ERBIN: variants seen among roughly 807,000 people sequenced by gnomAD.
ERBIN encodes the protein densin-180-like protein.
In ERBIN, 60 loss-of-function variants were observed where a neutral mutation model predicts 158.4. The observed-to-expected ratio is 0.38, with a 90% CI of 0.31 to 0.47. The LOEUF is 0.47. Among genes scored for constraint, ERBIN ranks in the 20% least tolerant of loss-of-function variants. ERBIN has a pLI of 0.99. For synonymous variants in ERBIN, 594 were observed against 557.2 expected (o/e 1.07, Z -0.93); for missense variants, 1,610 against 1,648.0 (o/e 0.98, Z 0.40).
intron 7 of ERBIN, among the ~76,000 whole-genome samples, chr5:66,019,448 C>A (rs983798759): frequency 6.6e-6 from 1 of 151,972 alleles, no homozygotes. Flanking sequence ...GAAATGAGTT[C>A]AATACAAATG....
intron 1 of ERBIN, among the ~76,000 whole-genome samples, chr5:65,931,570 G>C (rs1743373478): frequency 6.6e-6 from 1 of 152,130 alleles, no homozygotes; most frequent in Non-Finnish European, 1.5e-5. Context: ...ATAAGCTATT[G>C]CATGTTAGTG....
intron 17 of ERBIN, 74 bp downstream of exon 17, chr5:66,044,384 C>G: frequency 7.4e-7 from 1 of 1,343,618 alleles, no homozygotes; most frequent in Non-Finnish European, 1.0e-6. Context: ...ATATAGTGCC[C>G]CTTTTCATGT....
intron 1 of ERBIN, among the ~76,000 whole-genome samples, chr5:65,986,962 T>A (rs1286302627): frequency 6.6e-5 from 10 of 152,210 alleles, no homozygotes. Flanking sequence ...TTAATCCTCA[T>A]CCTTGTTGAC....
At chr5:66,033,455 G>A (rs1000147934) in intron 14 of ERBIN, among the ~76,000 whole-genome samples, 1 of 152,170 alleles carries the variant, frequency 6.6e-6, no homozygotes, top group African/African-American at 2.4e-5. Context: ...GATGATGATG[G>A]ACTCAAGTTA....
In ERBIN at chr5:65,978,921, G is replaced by A. The variant is rs375427093; in HGVS notation, c.-57-9714G>A. On this transcript the variant is annotated intron_variant, in intron 1 of 25. Transcript: ENST00000284037. ...CTGAACCAAAAAAGTATTTGGAACT[G>A]CAACCCAAGCTTCTACTACCTCAGA... is the stretch of plus-strand genomic sequence containing the variant. Among the ~76,000 whole-genome samples the A allele has an allele frequency of 7.2e-5, 11 of 152,184 alleles. No individual in the cohort carries two copies. The East Asian group carries it at 1.3e-3, about 19-fold the overall frequency.
intron 23 of ERBIN, 63 bp from the exon 24 acceptor site, chr5:66,076,253 G>A: frequency 1.7e-6 from 2 of 1,201,202 alleles, no homozygotes; most frequent in South Asian, 1.3e-5. Flanking sequence ...TTTAAATATG[G>A]ATGTTGTTGC....
chr5:66,020,023 G>A (rs953288391), intron 7 of ERBIN, among the ~76,000 whole-genome samples: 8 of 152,044 alleles, frequency 5.3e-5, no homozygotes, highest in African/African-American at 1.2e-4. Context: ...GCAACCTTTC[G>A]CTTGTTAATG....
chr5:65,964,908 T>TTGTGTATGTGTGTGTGTG (rs1748368958), intron 1 of ERBIN, among the ~76,000 whole-genome samples: 5 of 107,260 alleles, frequency 4.7e-5, no homozygotes, highest in African/African-American at 2.0e-4. Flanking sequence ...CCTGGCTGAT[T>TTGTGTATGTGTGTGTGTG]TGTGTGTGTG....
intron 15 of ERBIN, among the ~76,000 whole-genome samples, chr5:66,041,593 G>C (rs16894779): frequency 0.058 from 8,762 of 152,026 alleles, 884 homozygotes; most frequent in African/African-American, 0.2. Context: ...TGTAAGTGAC[G>C]AGAATTTGAC....
chr5:65,980,362 A>C (rs1750519705), intron 1 of ERBIN, among the ~76,000 whole-genome samples: 1 of 152,182 alleles, frequency 6.6e-6, no homozygotes, highest in African/African-American at 2.4e-5. Flanking sequence ...TGGGAGGTGG[A>C]GGTTGCAGTG....
chr5:66,015,966 A>T (rs575486401), intron 7 of ERBIN, among the ~76,000 whole-genome samples: 4 of 152,276 alleles, frequency 2.6e-5, no homozygotes, highest in Admixed American at 2.6e-4. Flanking sequence ...GATAATGTTA[A>T]TGTATCTGTT....
intron 21 of ERBIN, chr5:66,069,090 TGTTTCCAG>T: frequency 7.4e-7 from 1 of 1,353,176 alleles, no homozygotes; most frequent in Middle Eastern, 1.9e-4. Context: ...AGTGTTTTAA[TGTTTCCAG>T]GAAAAAAAAT....
intron 21 of ERBIN, among the ~76,000 whole-genome samples, chr5:66,055,613 T>C (rs994190604): frequency 6.6e-6 from 1 of 152,164 alleles, no homozygotes; most frequent in Non-Finnish European, 1.5e-5. Flanking sequence ...GATACAGATA[T>C]ATATCCTTGT....
chr5:66,067,628 A>C (rs1343240077), intron 21 of ERBIN, among the ~76,000 whole-genome samples: 1 of 152,224 alleles, frequency 6.6e-6, no homozygotes, highest in Non-Finnish European at 1.5e-5. Flanking sequence ...TGGCTCTTCA[A>C]ATTTAAGCAG....
intron 14 of ERBIN, among the ~76,000 whole-genome samples, chr5:66,037,294 CT>C (rs1484603821): frequency 6.6e-6 from 1 of 151,842 alleles, no homozygotes; most frequent in Non-Finnish European, 1.5e-5. Context: ...AGGAGATTGA[CT>C]ATGGAAGGTA....
chr5:65,997,136 T>A (rs905093943), intron 4 of ERBIN, among the ~76,000 whole-genome samples: 1 of 152,176 alleles, frequency 6.6e-6, no homozygotes, highest in Non-Finnish European at 1.5e-5. Context: ...AGGACTTAAG[T>A]ACAACGTTGA....
At chr5:65,949,206 T>G (rs918221012) in intron 1 of ERBIN, among the ~76,000 whole-genome samples, 7 of 152,210 alleles carry the variant, frequency 4.6e-5, no homozygotes, top group Admixed American at 6.5e-5. Flanking sequence ...AGTTTATAGT[T>G]TATTCAGGAG....
chr5:65,962,429 A>G (rs1748023459), intron 1 of ERBIN, among the ~76,000 whole-genome samples: 1 of 152,306 alleles, frequency 6.6e-6, no homozygotes, highest in South Asian at 2.1e-4. Flanking sequence ...TGGAATAACT[A>G]AAACCAAATG....
intron 1 of ERBIN, among the ~76,000 whole-genome samples, chr5:65,933,113 A>G (rs938595103): frequency 1.3e-5 from 2 of 152,072 alleles, no homozygotes; most frequent in Non-Finnish European, 2.9e-5. Context: ...TTCTAGCCCT[A>G]TTTTTGGTCT....
Sources: gnomAD v4.1 joint callset for allele counts (sites outside exome capture counted in the v4.1 genomes callset) on GRCh38, gnomAD v4.1.1 for gene constraint, MANE v1.5 for transcripts, NCBI Gene and HGNC (gene_info 2026-07-23, HGNC 2026-07-21) for gene names.